Variants in CCDC73 observed in about 807,000 individuals in gnomAD.
CCDC73 encodes the protein coiled-coil domain-containing protein 73.
CCDC73 carries 95 observed loss-of-function variants against 116.5 expected under a neutral mutation model. The observed-to-expected ratio is 0.82, with a 90% CI of 0.69 to 0.97. CCDC73 has a LOEUF of 0.97. Among genes scored for constraint, CCDC73 ranks in the 50% least tolerant of loss-of-function variants. The probability of loss-of-function intolerance (pLI) is 0.00; values close to 1 mark genes in which losing one functional copy is unlikely to be tolerated. For synonymous variants in CCDC73, 398 were observed against 401.3 expected, an observed-to-expected ratio of 0.99 and a Z score of 0.10; for missense variants, 1,066 against 1,206.8, an observed-to-expected ratio of 0.88 and a Z score of 1.73.
chr11:32,739,887 T>C (rs1312029364), intron 2 of CCDC73, among the ~76,000 whole-genome samples: 1 of 152,096 alleles, frequency 6.6e-6, no homozygotes, highest in Non-Finnish European at 1.5e-5. Context: ...GGGTTTTTAA[T>C]TATGAAGGGA....
chr11:32,763,343 C>G (rs1468265432), intron 1 of CCDC73, among the ~76,000 whole-genome samples: 2 of 152,234 alleles, frequency 1.3e-5, no homozygotes, highest in Admixed American at 6.5e-5. Context: ...TGGGAGGCCC[C>G]CCAGTAGGGG....
At chr11:32,739,779 G>A (rs1018603962) in intron 2 of CCDC73, among the ~76,000 whole-genome samples, 30 of 150,870 alleles carry the variant, frequency 2.0e-4, no homozygotes, top group African/African-American at 6.7e-4. Flanking sequence ...AGAGGAAAAG[G>A]TTTCAGTTTC....
intron 3 of CCDC73, among the ~76,000 whole-genome samples, chr11:32,704,376 C>T (rs968029924): frequency 2.6e-5 from 4 of 152,222 alleles, no homozygotes; most frequent in Non-Finnish European, 4.4e-5. Flanking sequence ...TGGGCAATGT[C>T]GCAACCAGGA....
intron 1 of CCDC73, among the ~76,000 whole-genome samples, chr11:32,766,259 C>G (rs1476672332): frequency 6.6e-6 from 1 of 152,120 alleles, no homozygotes; most frequent in African/African-American, 2.4e-5. Flanking sequence ...ATTCAACAGC[C>G]CTTCATGCTA....
At chr11:32,623,385 C>G (rs11031902) in intron 14 of CCDC73, among the ~76,000 whole-genome samples, 43,750 of 151,604 alleles carry the variant, frequency 0.29, 6,506 homozygotes, top group South Asian at 0.35. Context: ...GTGACAGGGT[C>G]TCCCTCAGTC....
At chr11:32,792,570 C>T (rs185492545) in intron 1 of CCDC73, among the ~76,000 whole-genome samples, 1 of 152,178 alleles carries the variant, frequency 6.6e-6, no homozygotes, top group Non-Finnish European at 1.5e-5. Context: ...CCCTGGAACA[C>T]AATTTAGGAA....
At chr11:32,724,688 T>C (rs1850016331) in intron 2 of CCDC73, among the ~76,000 whole-genome samples, 2 of 152,182 alleles carry the variant, frequency 1.3e-5, no homozygotes, top group Admixed American at 6.5e-5. Context: ...ATGCCAATAA[T>C]TACTTGGAGC....
At chr11:32,750,202 ATCTC>A (rs1006684244) in intron 2 of CCDC73, among the ~76,000 whole-genome samples, 1 of 152,184 alleles carries the variant, frequency 6.6e-6, no homozygotes, top group African/African-American at 2.4e-5. Context: ...TAAATGGATT[ATCTC>A]TCTGTGCTGA....
chr11:32,730,881 C>A (rs541597955), intron 2 of CCDC73, among the ~76,000 whole-genome samples: 40 of 152,342 alleles, frequency 2.6e-4, no homozygotes, highest in African/African-American at 9.6e-4. Flanking sequence ...GCATTTCCAA[C>A]TGAGGTACCG....
chr11:32,813,841 C>A, the CCDC73 span, among the ~76,000 whole-genome samples: 2 of 152,154 alleles, frequency 1.3e-5, no homozygotes, highest in Non-Finnish European at 2.9e-5. Flanking sequence ...AACTCTCCCT[C>A]GACCATATTC....
chr11:32,791,902 C>T (rs1850679659), intron 1 of CCDC73, among the ~76,000 whole-genome samples: 1 of 151,812 alleles, frequency 6.6e-6, no homozygotes, highest in Admixed American at 6.6e-5. Flanking sequence ...GAGGTGGAGG[C>T]TGCAGTGAGC....
the CCDC73 span, among the ~76,000 whole-genome samples, chr11:32,818,432 A>G: frequency 2.0e-5 from 3 of 152,348 alleles, no homozygotes; most frequent in African/African-American, 7.2e-5. Context: ...TGAGCATTCT[A>G]TAAGAAAATG....
intron 17 of CCDC73, chr11:32,606,361 C>G (rs1026200884): frequency 3.9e-5 from 6 of 152,248 alleles, no homozygotes; most frequent in Non-Finnish European, 8.8e-5. Flanking sequence ...TGGCCTCTTA[C>G]AACTGCTCAA....
rs1035024716 is a variant in CCDC73, at chr11:32,637,024, T to C, written c.1051-1194A>G. On this transcript the variant is annotated intron_variant, in intron 13 of 17. Coordinates refer to ENST00000335185, the MANE Select transcript of CCDC73 (RefSeq NM_001008391.4). ...GTTTCACTTTTTCTTTTTCTTTTTT[T>C]TTTTTTTTTTTTTGAGAAGGAGTCT... 5.6e-5 allele frequency among the ~76,000 whole-genome samples: 8 copies of C among 141,784 alleles called. No homozygotes were observed. The South Asian group carries it at 6.9e-4, about 12-fold the overall frequency. The allele number at this position is 141,784 out of a possible 152,430, so 93.0% of individuals were successfully genotyped here.
Position 32,613,849 on chromosome 11 carries a change from T to C in CCDC73, c.2469A>G (p.Lys823=), listed in dbSNP as rs1488735023. ...IDENQVTEAT[K]NDLFLFVSIN... is the part of the protein sequence containing the mutation. Reference sequence around the variant, plus strand: ...TGCTCACAAAAAGGAAGAGGTCATTTTTTGTGGCTTCAGTTACCTGATTCT... The same window carrying C: ...TGCTCACAAAAAGGAAGAGGTCATTCTTTGTGGCTTCAGTTACCTGATTCT... Residue 823 remains lysine, a synonymous_variant, in exon 16 of 18, where the codon AAA becomes AAG. Coordinates refer to ENST00000335185, the MANE Select transcript of CCDC73 (RefSeq NM_001008391.4). 1 of 1,613,580 alleles carries C rather than the reference T, an allele frequency of 6.2e-7. No homozygotes were observed. The highest frequency in any genetic ancestry group is 8.5e-7 in the Non-Finnish European group (1 of 1,179,974).
chr11:32,710,634 T>C (rs1849890971), intron 3 of CCDC73, among the ~76,000 whole-genome samples: 2 of 152,202 alleles, frequency 1.3e-5, no homozygotes, highest in South Asian at 4.1e-4. Context: ...ATGTTCCATG[T>C]ACTGATTAAC....
chr11:32,742,274 A>G (rs1850194983), intron 2 of CCDC73, among the ~76,000 whole-genome samples: 2 of 152,316 alleles, frequency 1.3e-5, no homozygotes, highest in African/African-American at 4.8e-5. Context: ...TACTCCCACC[A>G]ACGTGAAAGC....
At chr11:32,622,942 C>T (rs528245163) in intron 14 of CCDC73, among the ~76,000 whole-genome samples, 1 of 152,120 alleles carries the variant, frequency 6.6e-6, no homozygotes, top group Non-Finnish European at 1.5e-5. Context: ...TTCAAAGGGA[C>T]TGAAAAGTGT....
chr11:32,692,016 C>A (rs1856263794), intron 6 of CCDC73, among the ~76,000 whole-genome samples: 1 of 146,862 alleles, frequency 6.8e-6, no homozygotes. Flanking sequence ...CCACTGCACT[C>A]CAGCCTGGGC....
Sources: gnomAD v4.1 joint callset for allele counts (sites outside exome capture counted in the v4.1 genomes callset) on GRCh38, gnomAD v4.1.1 for gene constraint, MANE v1.5 for transcripts, NCBI Gene and HGNC (gene_info 2026-07-23, HGNC 2026-07-21) for gene names.